Variants in TMEM108 observed in about 807,000 individuals in gnomAD.
TMEM108 encodes the protein transmembrane protein 108, also known as cancer/testis antigen 124.
In TMEM108, 12 loss-of-function variants were observed where a neutral mutation model predicts 35.1. The observed-to-expected ratio is 0.34, with a 90% CI of 0.22 to 0.55. The LOEUF is 0.55. Ranked by LOEUF, TMEM108 falls within the 20% of genes least tolerant of loss-of-function variation. TMEM108 has a pLI of 0.89. For synonymous variants in TMEM108, 287 were observed against 308.6 expected (o/e 0.93, Z 0.73); for missense variants, 680 against 753.3 (o/e 0.90, Z 1.14).
intron 2 of TMEM108, among the ~76,000 whole-genome samples, chr3:133,211,414 G>A (rs1213311944): frequency 6.6e-5 from 10 of 152,174 alleles, no homozygotes; most frequent in East Asian, 5.8e-4. Context: ...AGTTTGCTGT[G>A]TACAAGAAAT....
intron 2 of TMEM108, among the ~76,000 whole-genome samples, chr3:133,108,826 G>T (rs918613980): frequency 2.0e-4 from 29 of 143,936 alleles, no homozygotes; most frequent in Middle Eastern, 3.5e-3. Context: ...ATCACACTCC[G>T]GGGACTGTTG....
intron 3 of TMEM108, among the ~76,000 whole-genome samples, chr3:133,359,299 T>C (rs2072272814): frequency 6.6e-6 from 1 of 152,238 alleles, no homozygotes; most frequent in Non-Finnish European, 1.5e-5. Flanking sequence ...GAGTTTTTAA[T>C]AAGTTAATGT....
At chr3:133,235,487 A>G (rs1383246296) in intron 3 of TMEM108, among the ~76,000 whole-genome samples, 3 of 152,186 alleles carry the variant, frequency 2.0e-5, no homozygotes, top group Non-Finnish European at 4.4e-5. Context: ...AACCTGAGAA[A>G]AACAAGCAAT....
chr3:133,316,526 T>G (rs2071201411), intron 3 of TMEM108, among the ~76,000 whole-genome samples: 2 of 152,178 alleles, frequency 1.3e-5, no homozygotes, highest in Admixed American at 6.5e-5. Flanking sequence ...TGCCTAGTGC[T>G]TGTCGAAAAA....
At chr3:133,186,835 A>ATATATC (rs1358737403) in intron 2 of TMEM108, among the ~76,000 whole-genome samples, 14 of 152,114 alleles carry the variant, frequency 9.2e-5, no homozygotes, top group Admixed American at 2.0e-4. Flanking sequence ...TTAACATGCA[A>ATATATC]ATTAATATAT....
At chr3:133,271,113 C>A (rs1559888277) in intron 3 of TMEM108, among the ~76,000 whole-genome samples, 1 of 152,216 alleles carries the variant, frequency 6.6e-6, no homozygotes, top group African/African-American at 2.4e-5. Context: ...TCTGGCCAAT[C>A]TTGCCATGCC....
intron 3 of TMEM108, among the ~76,000 whole-genome samples, chr3:133,379,249 G>T (rs1483613386): frequency 6.6e-6 from 1 of 152,214 alleles, no homozygotes; most frequent in Non-Finnish European, 1.5e-5. Context: ...ATAAATGGAA[G>T]ATTCAGAAAA....
chr3:133,304,391 AT>A (rs1040748111), intron 3 of TMEM108, among the ~76,000 whole-genome samples: 19 of 152,262 alleles, frequency 1.2e-4, no homozygotes, highest in African/African-American at 4.3e-4. Flanking sequence ...CATTGTAGGT[AT>A]ACAGTTAAAT....
intron 3 of TMEM108, among the ~76,000 whole-genome samples, chr3:133,290,134 CAG>C (rs77048182): frequency 0.32 from 48,346 of 151,854 alleles, 8,475 homozygotes; most frequent in East Asian, 0.48. Flanking sequence ...AAGAGGGGGA[CAG>C]AGCAGGCTAG....
At chr3:133,199,222 A>G (rs1945623718) in intron 2 of TMEM108, among the ~76,000 whole-genome samples, 1 of 152,126 alleles carries the variant, frequency 6.6e-6, no homozygotes, top group South Asian at 2.1e-4. Flanking sequence ...CTTCTTTGCA[A>G]TGGGTTCGAA....
chr3:133,204,215 C>G (rs1945716496), intron 2 of TMEM108, among the ~76,000 whole-genome samples: 1 of 151,152 alleles, frequency 6.6e-6, no homozygotes, highest in African/African-American at 2.4e-5. Flanking sequence ...GGTTGGCAGT[C>G]TAGCTATTTT....
At position 133,074,845 on chromosome 3, in the gene TMEM108, T is replaced by C. The variant is rs117634469; in HGVS notation, c.-47+28825T>C. The stretch of plus-strand genomic sequence containing the variant: ...AATAATTTTGAATCAAAATCCAAAA[T>C]TCAGAGTAGATTTTCTACTGAATGT... On this transcript the variant is annotated intron_variant, in intron 2 of 5. Coordinates refer to ENST00000321871, the MANE Select transcript of TMEM108 (RefSeq NM_023943.4). Among the ~76,000 whole-genome samples the C allele has an allele frequency of 7.0e-4, 106 of 152,338 alleles. 3 individuals carry two copies. The East Asian group carries it at 0.02, about 28-fold the overall frequency.
At chr3:133,309,724 G>A (rs566255485) in intron 3 of TMEM108, among the ~76,000 whole-genome samples, 63 of 90,546 alleles carry the variant, frequency 7.0e-4, no homozygotes, top group Non-Finnish European at 1.0e-3. Context: ...TTTTTGAGAC[G>A]GAGTCTCGCT....
chr3:133,326,723 C>G (rs920249666), intron 3 of TMEM108, among the ~76,000 whole-genome samples: 1 of 152,070 alleles, frequency 6.6e-6, no homozygotes, highest in African/African-American at 2.4e-5. Context: ...TTTGGTGTTC[C>G]CAAAATGGTT....
chr3:133,205,015 T>G (rs1945730917), intron 2 of TMEM108, among the ~76,000 whole-genome samples: 1 of 152,246 alleles, frequency 6.6e-6, no homozygotes, highest in African/African-American at 2.4e-5. Context: ...TTTAGGATAG[T>G]TAGCTCTTCT....
chr3:133,390,458 T>A, intron 5 of TMEM108, 124 bp downstream of exon 5: 1 of 1,114,770 alleles, frequency 9.0e-7, no homozygotes, highest in Non-Finnish European at 1.3e-6. Flanking sequence ...GCAGTATCAA[T>A]AACACCCAAG....
intron 3 of TMEM108, among the ~76,000 whole-genome samples, chr3:133,295,311 A>AG (rs1313004925): frequency 1.3e-5 from 2 of 152,156 alleles, no homozygotes; most frequent in Non-Finnish European, 2.9e-5. Flanking sequence ...GGGATGGAGA[A>AG]GTAAGGAGAG....
chr3:133,271,736 T>C (rs1946773846), intron 3 of TMEM108, among the ~76,000 whole-genome samples: 1 of 152,260 alleles, frequency 6.6e-6, no homozygotes, highest in African/African-American at 2.4e-5. Flanking sequence ...ATTTACAAAC[T>C]GTCATGAGCC....
chr3:133,325,736 AAAAT>A (rs1360121193), intron 3 of TMEM108, among the ~76,000 whole-genome samples: 7 of 145,998 alleles, frequency 4.8e-5, no homozygotes, highest in Non-Finnish European at 3.1e-5. Flanking sequence ...AAAAAATAAT[AAAAT>A]AAAAATAAAA....
Sources: gnomAD v4.1 joint callset for allele counts (sites outside exome capture counted in the v4.1 genomes callset) on GRCh38, gnomAD v4.1.1 for gene constraint, MANE v1.5 for transcripts, NCBI Gene and HGNC (gene_info 2026-07-23, HGNC 2026-07-21) for gene names.